NAA30: variants seen among roughly 807,000 people sequenced by gnomAD.
The protein encoded by NAA30 is N-alpha-acetyltransferase 30.
Under a neutral mutation model 31.4 loss-of-function variants are expected in NAA30, and 5 were observed. The observed-to-expected ratio is 0.16, with a 90% CI of 0.08 to 0.33. The LOEUF is 0.33. Among genes scored for constraint, NAA30 ranks in the 10% least tolerant of loss-of-function variants. The pLI, the probability that NAA30 is intolerant of heterozygous loss-of-function variation, is 1.00. For synonymous variants in NAA30, 222 were observed against 207.1 expected, an observed-to-expected ratio of 1.07 and a Z score of -0.62; for missense variants, 428 against 490.8, an observed-to-expected ratio of 0.87 and a Z score of 1.21.
At chr14:57,402,800 A>C (rs2066482405) in intron 4 of NAA30, among the ~76,000 whole-genome samples, 2 of 152,252 alleles carry the variant, frequency 1.3e-5, no homozygotes, top group Admixed American at 6.5e-5. Context: ...GAAGGGTTTT[A>C]AATTAGATTT....
chr14:57,404,051 G>A (rs2066488703), intron 4 of NAA30, among the ~76,000 whole-genome samples: 1 of 152,128 alleles, frequency 6.6e-6, no homozygotes, highest in Non-Finnish European at 1.5e-5. Context: ...GCTGAGCACG[G>A]TGTCTCACGC....
At chr14:57,393,184 T>C (rs1328924747) in intron 2 of NAA30, among the ~76,000 whole-genome samples, 2 of 152,202 alleles carry the variant, frequency 1.3e-5, no homozygotes, top group African/African-American at 4.8e-5. Context: ...GAAATAGTTG[T>C]GTATATGATA....
chr14:57,395,813 C>T (rs560668463), intron 2 of NAA30, among the ~76,000 whole-genome samples: 1 of 152,144 alleles, frequency 6.6e-6, no homozygotes, highest in Non-Finnish European at 1.5e-5. Flanking sequence ...GCTACACTTA[C>T]ATATATTAAC....
In NAA30 at chr14:57,410,311, C is replaced by G. The variant is rs2066517559; in HGVS notation, c.*795C>G. On this transcript the variant is annotated 3_prime_UTR_variant, in exon 5 of 5. Coordinates refer to ENST00000556492, the MANE Select transcript of NAA30 (RefSeq NM_001011713.3). Reference sequence around the variant, plus strand: ...TCCTTACAGTAACAAGTTGAATCTACTTGGAAAATTGAGAAATGGCTCAAA... The same window carrying G: ...TCCTTACAGTAACAAGTTGAATCTAGTTGGAAAATTGAGAAATGGCTCAAA... 1 of 152,492 alleles carries G rather than the reference C, an allele frequency of 6.6e-6. No individual in the cohort carries two copies. The highest frequency in any genetic ancestry group is 1.5e-5 in the Non-Finnish European group (1 of 67,994). The allele number at this position is 152,492 out of a possible 1,614,324, so 9.4% of individuals were successfully genotyped here.
At chr14:57,399,746 T>G (rs2066466346) in intron 3 of NAA30, 82 bp from the exon 4 acceptor site, 1 of 813,570 alleles carries the variant, frequency 1.2e-6, no homozygotes, top group South Asian at 1.5e-5. Context: ...CATTTGACAT[T>G]TCTGTGCTTA....
At chr14:57,395,453 A>C (rs1057101031) in intron 2 of NAA30, among the ~76,000 whole-genome samples, 1 of 152,206 alleles carries the variant, frequency 6.6e-6, no homozygotes, top group East Asian at 1.9e-4. Context: ...TTTCTTCTGG[A>C]AAGTTAATTT....
At chr14:57,399,262 A>G (rs1388077787) in intron 3 of NAA30, among the ~76,000 whole-genome samples, 2 of 152,220 alleles carry the variant, frequency 1.3e-5, no homozygotes, top group Non-Finnish European at 2.9e-5. Flanking sequence ...CTAAACTAGG[A>G]TACATTTTGC....
rs976346304 is a variant in NAA30, at chr14:57,404,317, A to ATC, written c.951+4435_951+4436dup. Among the ~76,000 whole-genome samples the ATC allele has an allele frequency of 5.3e-5, 8 of 152,180 alleles. 2 individuals are homozygous for ATC. The highest frequency in any genetic ancestry group is 2.1e-4 in the South Asian group (1 of 4,804). On this transcript the variant is annotated intron_variant, in intron 4 of 4. Coordinates refer to ENST00000556492, the MANE Select transcript of NAA30 (RefSeq NM_001011713.3). ...AGCCTGGGGGCCAGAGCAAGACTCCATCACACACACACACACAAAAAGAGT... is the reference window on the plus strand; with the variant it reads ...AGCCTGGGGGCCAGAGCAAGACTCCATCTCACACACACACACACAAAAAGAGT...
intron 4 of NAA30, among the ~76,000 whole-genome samples, chr14:57,401,865 T>C (rs1225556165): frequency 6.6e-6 from 1 of 152,244 alleles, no homozygotes; most frequent in Non-Finnish European, 1.5e-5. Context: ...ATTAATGATA[T>C]ATTTTATGGT....
chr14:57,391,012 G>A lies in NAA30; in HGVS notation c.55G>A (p.Ala19Thr). Residue 19 changes from alanine (A) to threonine (T), a missense_variant, in exon 2 of 5, where the codon GCC (alanine) becomes ACC (threonine). Around this residue, in one of 2 missense-constraint regions of NAA30, gnomAD observed 349 missense variants for 310.4 expected, o/e 1.12. Transcript: ENST00000556492. This position sits in a 1 kb window ranked among gnomAD's most constrained non-coding sequence, Gnocchi z 4.1. ...CCTCCTCCCACCACCAGCACCTCCGGCCCCGGCGGCGGTCGAGCCCCGCTG... is the reference window on the plus strand; with the variant it reads ...CCTCCTCCCACCACCAGCACCTCCGACCCCGGCGGCGGTCGAGCCCCGCTG... ...SSLLPPPAPP[A>T]PAAVEPRCPF... 6.7e-7 allele frequency: 1 copy of A among 1,497,926 alleles called. No individual in the cohort carries two copies. Among genetic ancestry groups the A allele is most frequent in the Non-Finnish European group, 8.8e-7 (1 of 1,131,948 alleles). The allele number at this position is 1,497,926 out of a possible 1,614,324, so 92.8% of individuals were successfully genotyped here.
rs960160401 is a variant in NAA30 at position 57,414,225 on chromosome 14, T to C, written c.*4709T>C. 6.6e-6 allele frequency: 1 copy of C among 152,232 alleles called. No homozygotes were observed. Among genetic ancestry groups the C allele is most frequent in the African/African-American group, 2.4e-5 (1 of 41,452 alleles). 9.4% of individuals were successfully genotyped at this position (152,232 alleles called of 1,614,324 possible). ...GCCAGGACAGCATAGCAAGACTGTT[T>C]CTGAAAAATCTTTTAAAATAACACA... On this transcript the variant is annotated 3_prime_UTR_variant, in exon 5 of 5. Transcript: ENST00000556492.
intron 2 of NAA30, among the ~76,000 whole-genome samples, chr14:57,392,058 T>C (rs2066430826): frequency 6.6e-6 from 1 of 152,166 alleles, no homozygotes; most frequent in African/African-American, 2.4e-5. Context: ...TCAAACACTT[T>C]ACAGTCATTT....
chr14:57,391,280 TAGC>T lies in NAA30; in HGVS notation c.326_328del (p.Ala109del). On this transcript the variant is annotated inframe_deletion, in exon 2 of 5. Coordinates refer to ENST00000556492, the MANE Select transcript of NAA30 (RefSeq NM_001011713.3). The surrounding 1 kb of genome is among the most constrained non-coding windows in gnomAD (Gnocchi z 4.1). Reference sequence around the variant, plus strand: ...TCCCTCAAGAGCAAGGTCCTGAGCGTAGCAGAGGTGGCCGCGACCACAGCCACC... The same window carrying T: ...TCCCTCAAGAGCAAGGTCCTGAGCGTAGAGGTGGCCGCGACCACAGCCACC... 1 of 1,611,400 alleles carries T rather than the reference TAGC, an allele frequency of 6.2e-7. No individual in the cohort carries two copies.
chr14:57,391,500 C>G lies in NAA30; in HGVS notation c.543C>G (p.Asp181Glu). 1 of 1,613,418 alleles carries G rather than the reference C, an allele frequency of 6.2e-7. No individual in the cohort carries two copies. The highest frequency in any genetic ancestry group is 8.5e-7 in the Non-Finnish European group (1 of 1,179,832). Residue 181 changes from aspartate to glutamate, a missense_variant, in exon 2 of 5, where the codon GAC (aspartate) becomes GAG (glutamate). Physicochemically the swap from Asp to Glu is conservative, Grantham distance 45 (BLOSUM62 2). Transcript: ENST00000556492. This position sits in a 1 kb window ranked among gnomAD's most constrained non-coding sequence, Gnocchi z 4.1. Reference protein sequence around the residue: ...EGTEQEEEEEDEQVRLLSSSL... With the variant: ...EGTEQEEEEEEEQVRLLSSSL... ...CCGAGCAGGAGGAGGAGGAGGAAGA[C>G]GAGCAGGTGCGGCTGCTGTCTTCGT...
At chr14:57,390,894 CCT>C (rs2139755853) in intron 1 of NAA30, 61 bp from the exon 2 acceptor site, 2 of 1,443,414 alleles carry the variant, frequency 1.4e-6, no homozygotes, top group African/African-American at 1.5e-5. Flanking sequence ...TCCGTCGCCC[CCT>C]GTTCTCCGCG....
chr14:57,390,803 C>CG (rs995235266), intron 1 of NAA30, 98 bp downstream of exon 1: 651 of 579,124 alleles, frequency 1.1e-3, no homozygotes, highest in Admixed American at 4.1e-3. Context: ...CGCTGAAGAG[C>CG]GGGGGGGTGG....
In NAA30 at chr14:57,396,890, A is replaced by G; in HGVS notation, c.895+15A>G. The G allele has an allele frequency of 6.2e-7, 1 of 1,612,040 alleles. No homozygotes were observed. Among genetic ancestry groups the G allele is most frequent in the Non-Finnish European group, 8.5e-7 (1 of 1,178,546 alleles). On this transcript the variant is annotated intron_variant, in intron 3 of 4. Transcript: ENST00000556492. ...AAATGGCATTGGTAAGAAAAATATTATTTTATGGAAAGAATGCCTAAGCTA... is the reference window on the plus strand; with the variant it reads ...AAATGGCATTGGTAAGAAAAATATTGTTTTATGGAAAGAATGCCTAAGCTA...
At chr14:57,400,349 A>C (rs913588660) in intron 4 of NAA30, among the ~76,000 whole-genome samples, 17 of 152,230 alleles carry the variant, frequency 1.1e-4, no homozygotes, top group Admixed American at 1.1e-3. Context: ...GCGCATTAAC[A>C]TAAGAGCATT....
intron 4 of NAA30, among the ~76,000 whole-genome samples, chr14:57,404,767 A>C (rs1262767409): frequency 1.3e-5 from 2 of 152,158 alleles, no homozygotes; most frequent in Admixed American, 6.5e-5. Context: ...GAGCTTGTGC[A>C]GGGGAATTCC....
Sources: gnomAD v4.1 joint callset for allele counts (sites outside exome capture counted in the v4.1 genomes callset) on GRCh38, gnomAD v4.1.1 for gene constraint, gnomAD v4.1.1 regional missense constraint, Gnocchi (gnomAD v3.1) non-coding constraint, MANE v1.5 for transcripts, NCBI Gene and HGNC (gene_info 2026-07-23, HGNC 2026-07-21) for gene names.